ABLIM2: variants seen among roughly 807,000 people sequenced by gnomAD.
ABLIM2 encodes actin-binding LIM protein 2.
Under a neutral mutation model 97.7 loss-of-function variants are expected in ABLIM2, and 53 were observed. The ratio of observed to expected loss-of-function variants is 0.54; its 90% confidence interval spans 0.44 to 0.68. The LOEUF (loss-of-function observed/expected upper bound fraction) is 0.68. ABLIM2 is among the 30% of genes least tolerant of loss of function. The pLI, the probability that ABLIM2 is intolerant of heterozygous loss-of-function variation, is 0.00. For missense variants in ABLIM2, 835 were observed against 867.2 expected (o/e 0.96, Z 0.47); for synonymous variants, 361 against 345.8 (o/e 1.04, Z -0.49).
chr4:8,146,330 T>C (rs1851791449), intron 1 of ABLIM2, among the ~76,000 whole-genome samples: 1 of 152,198 alleles, frequency 6.6e-6, no homozygotes, highest in Non-Finnish European at 1.5e-5. Context: ...CAATGGAGTT[T>C]TGCAGAGGCC....
At chr4:8,053,382 G>C (rs1405485185) in intron 8 of ABLIM2, among the ~76,000 whole-genome samples, 1 of 152,194 alleles carries the variant, frequency 6.6e-6, no homozygotes, top group Non-Finnish European at 1.5e-5. Flanking sequence ...AAACCAAACT[G>C]TGCTCTGACC....
At chr4:8,151,042 C>T (rs986432734) in intron 1 of ABLIM2, among the ~76,000 whole-genome samples, 15 of 152,214 alleles carry the variant, frequency 9.9e-5, no homozygotes, top group African/African-American at 3.4e-4. Context: ...TCTACAGTAA[C>T]CCCTCAAAAG....
In ABLIM2 at chr4:8,005,801, A is replaced by G. The variant is rs891174273; in HGVS notation, c.1618+2258T>C. On this transcript the variant is annotated intron_variant, in intron 16 of 20. Transcript: ENST00000447017. The surrounding 1 kb of genome is among the most constrained non-coding windows in gnomAD (Gnocchi z 4.9). Reference sequence around the variant, plus strand: ...AAGTGGATGTTAGCACACCAGGAGAAAGCGAAGGAAGGACAGCATCATAGC... The same window carrying G: ...AAGTGGATGTTAGCACACCAGGAGAGAGCGAAGGAAGGACAGCATCATAGC... Among the ~76,000 whole-genome samples the G allele has an allele frequency of 2.0e-5, 3 of 152,264 alleles. No homozygotes were observed. Among genetic ancestry groups the G allele is most frequent in the African/African-American group, 4.8e-5 (2 of 41,466 alleles).
chr4:8,013,954 A>T (rs1208546775), intron 14 of ABLIM2, among the ~76,000 whole-genome samples: 3 of 152,200 alleles, frequency 2.0e-5, no homozygotes, highest in Non-Finnish European at 4.4e-5. Flanking sequence ...TGGCGGCATC[A>T]ACACACCGAC....
chr4:7,976,454 G>C (rs1733117764), intron 20 of ABLIM2, among the ~76,000 whole-genome samples: 1 of 152,092 alleles, frequency 6.6e-6, no homozygotes, highest in Non-Finnish European at 1.5e-5. Flanking sequence ...TTGCACACCT[G>C]GTCATAAATG....
Position 8,087,390 on chromosome 4 carries a change from T to C in ABLIM2, c.454+779A>G, listed in dbSNP as rs1326481814. 6.6e-6 allele frequency among the ~76,000 whole-genome samples: 1 copy of C among 152,036 alleles called. No individual in the cohort carries two copies. Among genetic ancestry groups the C allele is most frequent in the African/African-American group, 2.4e-5 (1 of 41,416 alleles). On this transcript the variant is annotated intron_variant, in intron 4 of 20. Transcript: ENST00000447017. This position sits in a 1 kb window ranked among gnomAD's most constrained non-coding sequence, Gnocchi z 4.6. ...CACTTCGGCTGGCATTTGTTTTTTT[T>C]CCACACTAACAACCTCCTGCTTCCT...
intron 11 of ABLIM2, among the ~76,000 whole-genome samples, chr4:8,028,535 T>C (rs1251622512): frequency 1.3e-5 from 2 of 149,154 alleles, no homozygotes; most frequent in African/African-American, 4.9e-5. Context: ...ACTCATTCAT[T>C]AATTCATTCA....
rs1412237305 is a variant in ABLIM2 at position 8,054,155 on chromosome 4, G to C, written c.822+33C>G. The C allele has an allele frequency of 1.2e-6, 2 of 1,609,532 alleles. No homozygotes were observed. Among genetic ancestry groups the C allele is most frequent in the African/African-American group, 2.7e-5 (2 of 74,824 alleles). On this transcript the variant is annotated intron_variant, in intron 8 of 20. Coordinates refer to ENST00000447017, the MANE Select transcript of ABLIM2 (RefSeq NM_001130083.2). This position sits in a 1 kb window ranked among gnomAD's most constrained non-coding sequence, Gnocchi z 4.9. Reference sequence around the variant, plus strand: ...CAAAGATGGTGCAGGAGCAGTGAAGGGTACATCAGAGACACCAGTGAATGC... The same window carrying C: ...CAAAGATGGTGCAGGAGCAGTGAAGCGTACATCAGAGACACCAGTGAATGC...
rs182579578 is a variant in ABLIM2, at chr4:8,122,466, G to C, written c.11-15829C>G. On this transcript the variant is annotated intron_variant, in intron 1 of 20. Coordinates refer to ENST00000447017, the MANE Select transcript of ABLIM2 (RefSeq NM_001130083.2). The surrounding 1 kb of genome is among the most constrained non-coding windows in gnomAD (Gnocchi z 4.1). Reference sequence around the variant, plus strand: ...GCAGCATGCTCGGTCCCTGGTGAGGGCTCCCTTCCTGGCTTGCAGACAGCC... The same window carrying C: ...GCAGCATGCTCGGTCCCTGGTGAGGCCTCCCTTCCTGGCTTGCAGACAGCC... Among the ~76,000 whole-genome samples, 2 of 152,298 alleles carry C rather than the reference G, an allele frequency of 1.3e-5. No individual in the cohort carries two copies. Among genetic ancestry groups the C allele is most frequent in the African/African-American group, 2.4e-5 (1 of 41,556 alleles).
rs1828297830 is a variant in ABLIM2, at chr4:8,091,595, TAA to T, written c.339-3313_339-3312del. On this transcript the variant is annotated intron_variant, in intron 3 of 20. Coordinates refer to ENST00000447017, the MANE Select transcript of ABLIM2 (RefSeq NM_001130083.2). ...ATAATTTTATATAAAATTATATATA[TAA>T]TTATATATATTATGTATAATTTTAT... Among the ~76,000 whole-genome samples, 3 of 29,688 alleles carry T rather than the reference TAA, an allele frequency of 1.0e-4. 1 individual carries two copies. In the Admixed American group the frequency reaches 2.1e-3, roughly 21 times the overall value. 19.5% of individuals were successfully genotyped at this position (29,688 alleles called of 152,430 possible).
chr4:8,119,859 G>C (rs569413704), intron 1 of ABLIM2, among the ~76,000 whole-genome samples: 2 of 152,288 alleles, frequency 1.3e-5, no homozygotes, highest in South Asian at 4.2e-4. Context: ...GAGCCTAAGG[G>C]GTCAGGGGAG....
rs1711733451 is a variant in ABLIM2, at chr4:8,149,258, G to C, written c.10+9422C>G. ...CTCAGGCCCCCTGAAATCCAGAGCA[G>C]TCTCCCTGTGGCAAAATCCTTCACA... On this transcript the variant is annotated intron_variant, in intron 1 of 20. Coordinates refer to ENST00000447017, the MANE Select transcript of ABLIM2 (RefSeq NM_001130083.2). The surrounding 1 kb of genome is among the most constrained non-coding windows in gnomAD (Gnocchi z 6.4). Among the ~76,000 whole-genome samples, 1 of 152,194 alleles carries C rather than the reference G, an allele frequency of 6.6e-6. No homozygotes were observed. The highest frequency in any genetic ancestry group is 2.1e-4 in the South Asian group (1 of 4,836).
At chr4:8,106,086 T>G (rs1029332865) in intron 2 of ABLIM2, among the ~76,000 whole-genome samples, 5 of 151,972 alleles carry the variant, frequency 3.3e-5, no homozygotes, top group African/African-American at 9.7e-5. Flanking sequence ...CGGGTGGGGG[T>G]CCCCGCGTGC....
At chr4:7,989,826 C>T (rs995161868) in intron 17 of ABLIM2, among the ~76,000 whole-genome samples, 1 of 152,166 alleles carries the variant, frequency 6.6e-6, no homozygotes, top group African/African-American at 2.4e-5. Flanking sequence ...CTGCTGCCAC[C>T]AGTCGTCACT....
In ABLIM2 at chr4:7,992,128, C is replaced by T. The variant is rs1749327469; in HGVS notation, c.1680+738G>A. ...CTGGGACCAGCAAGCCTGCCCCACC[C>T]TAAGGATCCTCACTGGGGACCCCTG... On this transcript the variant is annotated intron_variant, in intron 17 of 20. Coordinates refer to ENST00000447017, the MANE Select transcript of ABLIM2 (RefSeq NM_001130083.2). This position sits in a 1 kb window ranked among gnomAD's most constrained non-coding sequence, Gnocchi z 5.7. Among the ~76,000 whole-genome samples, 1 of 152,024 alleles carries T rather than the reference C, an allele frequency of 6.6e-6. No homozygotes were observed. Among genetic ancestry groups the T allele is most frequent in the Non-Finnish European group, 1.5e-5 (1 of 67,974 alleles).
chr4:8,119,154 C>A (rs1356197656), intron 1 of ABLIM2, among the ~76,000 whole-genome samples: 1 of 152,008 alleles, frequency 6.6e-6, no homozygotes, highest in Non-Finnish European at 1.5e-5. Context: ...TTTGTCCTGG[C>A]ACGATCACTG....
Position 8,054,063 on chromosome 4 carries a change from C to T in ABLIM2, c.822+125G>A, listed in dbSNP as rs767643596. On this transcript the variant is annotated intron_variant, in intron 8 of 20. Transcript: ENST00000447017. This position sits in a 1 kb window ranked among gnomAD's most constrained non-coding sequence, Gnocchi z 4.9. ...TCCCCACCTCCTAAGCCTGGCTGCC[C>T]CCATCCTGCAGCCCGTGGGACTGGA... 1.8e-6 allele frequency: 2 copies of T among 1,084,584 alleles called. No individual in the cohort carries two copies. Among genetic ancestry groups the T allele is most frequent in the Non-Finnish European group, 1.4e-6 (1 of 716,926 alleles). 67.2% of individuals were successfully genotyped at this position (1,084,584 alleles called of 1,614,324 possible).
rs189954939 is a variant in ABLIM2 at position 8,147,293 on chromosome 4, T to A, written c.10+11387A>T. Among the ~76,000 whole-genome samples the A allele has an allele frequency of 1.3e-3, 195 of 152,230 alleles. 1 individual carries two copies. Among genetic ancestry groups the A allele is most frequent in the African/African-American group, 4.4e-3 (182 of 41,532 alleles). ...ATGAGAAGTCATTCTCACTCTCTCA[T>A]CCATCCTAGAGACTCCACAGGGAGA... On this transcript the variant is annotated intron_variant, in intron 1 of 20. Transcript: ENST00000447017. This position sits in a 1 kb window ranked among gnomAD's most constrained non-coding sequence, Gnocchi z 5.3.
At chr4:8,052,624 G>A (rs1261096971) in intron 8 of ABLIM2, among the ~76,000 whole-genome samples, 1 of 152,262 alleles carries the variant, frequency 6.6e-6, no homozygotes, top group Non-Finnish European at 1.5e-5. Flanking sequence ...GGAAGCCAGG[G>A]CCCCTGCCTG....
Sources: gnomAD v4.1 joint callset for allele counts (sites outside exome capture counted in the v4.1 genomes callset) on GRCh38, gnomAD v4.1.1 for gene constraint, Gnocchi (gnomAD v3.1) non-coding constraint, MANE v1.5 for transcripts, NCBI Gene and HGNC (gene_info 2026-07-23, HGNC 2026-07-21) for gene names.